Variants in SORCS3 observed in about 807,000 individuals in gnomAD.
SORCS3 encodes the protein sortilin related VPS10 domain containing receptor 3.
Under a neutral mutation model 146.3 loss-of-function variants are expected in SORCS3, and 57 were observed. That is an observed-to-expected ratio of 0.39 (90% CI 0.31 to 0.49). The LOEUF (loss-of-function observed/expected upper bound fraction) is 0.49, where lower values mean the gene tolerates loss of function less well. Among genes scored for constraint, SORCS3 ranks in the 20% least tolerant of loss-of-function variants. SORCS3 has a pLI of 0.92. For missense variants in SORCS3, 1,341 were observed against 1,575.5 expected, an observed-to-expected ratio of 0.85 and a Z score of 2.52; for synonymous variants, 653 against 618.5, an observed-to-expected ratio of 1.06 and a Z score of -0.83.
intron 1 of SORCS3, among the ~76,000 whole-genome samples, chr10:104,731,687 G>A (rs2016708251): frequency 6.6e-6 from 1 of 152,116 alleles, no homozygotes; most frequent in Non-Finnish European, 1.5e-5. Flanking sequence ...CTGCTCCATG[G>A]AGCTGCCCAG....
intron 2 of SORCS3, among the ~76,000 whole-genome samples, chr10:104,848,233 A>T (rs921781547): frequency 4.6e-5 from 7 of 151,784 alleles, no homozygotes; most frequent in Non-Finnish European, 8.8e-5. Flanking sequence ...CCACTTGGGG[A>T]TTCTGTGACT....
At chr10:104,751,402 T>A (rs2016981804) in intron 1 of SORCS3, among the ~76,000 whole-genome samples, 1 of 152,110 alleles carries the variant, frequency 6.6e-6, no homozygotes, top group African/African-American at 2.4e-5. Context: ...AGCAGATGAG[T>A]GACAGGATTC....
At chr10:104,736,848 G>A (rs7903858) in intron 1 of SORCS3, among the ~76,000 whole-genome samples, 38,700 of 150,906 alleles carry the variant, frequency 0.26, 5,627 homozygotes, top group East Asian at 0.64. Flanking sequence ...AGTTACATAT[G>A]TATACATGTG....
intron 2 of SORCS3, among the ~76,000 whole-genome samples, chr10:104,849,492 A>G (rs890670037): frequency 1.3e-5 from 2 of 151,220 alleles, no homozygotes; most frequent in Non-Finnish European, 2.9e-5. Context: ...ACACCTGGTG[A>G]CAGTGGGTGG....
At chr10:104,946,814 T>G (rs2019376173) in intron 3 of SORCS3, among the ~76,000 whole-genome samples, 1 of 152,146 alleles carries the variant, frequency 6.6e-6, no homozygotes, top group Non-Finnish European at 1.5e-5. Context: ...GCATGCTTCT[T>G]TTTATATGGA....
intron 6 of SORCS3, among the ~76,000 whole-genome samples, chr10:105,098,588 G>T (rs901280955): frequency 1.3e-5 from 2 of 152,126 alleles, no homozygotes; most frequent in African/African-American, 4.8e-5. Flanking sequence ...CTAGAGCTGT[G>T]GAACTTAGGC....
intron 1 of SORCS3, among the ~76,000 whole-genome samples, chr10:104,736,323 A>T (rs2133456375): frequency 6.6e-6 from 1 of 152,256 alleles, no homozygotes; most frequent in South Asian, 2.1e-4. Flanking sequence ...TGAGCTTGTT[A>T]TAAACGGAGA....
At chr10:105,022,431 G>A (rs2055203768) in intron 4 of SORCS3, among the ~76,000 whole-genome samples, 1 of 151,040 alleles carries the variant, frequency 6.6e-6, no homozygotes, top group African/African-American at 2.4e-5. Flanking sequence ...CTGAGTAGCT[G>A]TGATTACAGG....
Position 104,739,358 on chromosome 10 carries a change from A to C in SORCS3, c.627+97404A>C, listed in dbSNP as rs556142781. On this transcript the variant is annotated intron_variant, in intron 1 of 26. Transcript: ENST00000369701. ...ATTTCTTTCTGAGTTTTTTTCTGCT[A>C]TTGTCACATAGAAGTTCACCACCTC... Among the ~76,000 whole-genome samples, 14 of 152,292 alleles carry C rather than the reference A, an allele frequency of 9.2e-5. No individual in the cohort carries two copies. The South Asian group carries it at 2.9e-3, about 32-fold the overall frequency.
chr10:105,012,331 T>C (rs2055140603), intron 4 of SORCS3, among the ~76,000 whole-genome samples: 1 of 152,208 alleles, frequency 6.6e-6, no homozygotes, highest in South Asian at 2.1e-4. Flanking sequence ...AAAAAATGCA[T>C]GTTCAAAGTG....
chr10:104,912,894 A>G lies in SORCS3; in HGVS notation c.696-2939A>G, dbSNP rs184609565. ...GATTAATCCCCCCCGGGAAAGCTGG[A>G]AAAGGGTGATGTTGGAATTAGATGT... On this transcript the variant is annotated intron_variant, in intron 2 of 26. Coordinates refer to ENST00000369701, the MANE Select transcript of SORCS3 (RefSeq NM_014978.3). Among the ~76,000 whole-genome samples, 812 of 152,256 alleles carry G rather than the reference A, an allele frequency of 5.3e-3. 7 individuals carry two copies. Among genetic ancestry groups the G allele is most frequent in the Non-Finnish European group, 7.9e-3 (540 of 68,024 alleles).
At chr10:104,821,257 G>C (rs2017869552) in intron 1 of SORCS3, among the ~76,000 whole-genome samples, 1 of 152,134 alleles carries the variant, frequency 6.6e-6, no homozygotes. Context: ...CACATTGTAA[G>C]GTAAGCATGT....
intron 16 of SORCS3, among the ~76,000 whole-genome samples, chr10:105,209,082 T>C (rs1051390252): frequency 6.6e-6 from 1 of 152,190 alleles, no homozygotes; most frequent in Non-Finnish European, 1.5e-5. Context: ...TAGCATCAGT[T>C]ATGGGCCCAC....
intron 2 of SORCS3, among the ~76,000 whole-genome samples, chr10:104,906,615 A>G (rs913087226): frequency 2.6e-5 from 4 of 152,196 alleles, no homozygotes; most frequent in African/African-American, 4.8e-5. Context: ...ATGAGTTTAT[A>G]TAATTAGTCT....
At chr10:105,153,829 G>A (rs376901470) in intron 9 of SORCS3, among the ~76,000 whole-genome samples, 4 of 152,044 alleles carry the variant, frequency 2.6e-5, no homozygotes, top group African/African-American at 9.7e-5. Flanking sequence ...CCAGCACTTT[G>A]GGAGACCCAG....
intron 5 of SORCS3, among the ~76,000 whole-genome samples, chr10:105,051,167 T>C (rs2055409637): frequency 6.6e-6 from 1 of 152,162 alleles, no homozygotes; most frequent in Non-Finnish European, 1.5e-5. Flanking sequence ...TATGTACATA[T>C]ACACACACAA....
intron 4 of SORCS3, among the ~76,000 whole-genome samples, chr10:105,035,674 G>A (rs1220506393): frequency 6.6e-6 from 1 of 152,030 alleles, no homozygotes; most frequent in Non-Finnish European, 1.5e-5. Flanking sequence ...CACCATGTTG[G>A]CCAGGATGGT....
intron 5 of SORCS3, among the ~76,000 whole-genome samples, chr10:105,056,794 A>G (rs148469000): frequency 3.3e-5 from 5 of 152,346 alleles, no homozygotes; most frequent in African/African-American, 9.6e-5. Context: ...TGAAAACAGC[A>G]TTAAACATTT....
chr10:105,106,725 C>G (rs1728426), intron 7 of SORCS3, among the ~76,000 whole-genome samples: 76,785 of 151,986 alleles, frequency 0.51, 19,642 homozygotes, highest in Middle Eastern at 0.54. Context: ...AAACCATCTT[C>G]GATGAGGGAG....
Sources: allele counts gnomAD v4.1 joint callset (sites outside exome capture counted in the v4.1 genomes callset), GRCh38; gene constraint gnomAD v4.1.1; transcripts MANE v1.5; gene names NCBI Gene and HGNC (gene_info 2026-07-23, HGNC 2026-07-21).